Variants in FGF22 observed in about 807,000 individuals in gnomAD.
The protein encoded by FGF22 is fibroblast growth factor 22, also known as FGF-22.
A neutral mutation model predicts 10.3 loss-of-function variants in FGF22; 11 were observed. That is an observed-to-expected ratio of 1.07 (90% confidence interval 0.67 to 1.77). The LOEUF is 1.77. Among genes scored for constraint, FGF22 ranks in the 40% most tolerant of loss-of-function variants. The probability of loss-of-function intolerance (pLI) is 0.00; values close to 1 mark genes in which losing one functional copy is unlikely to be tolerated. For missense variants in FGF22, 317 were observed against 273.2 expected (o/e 1.16, Z -1.13); for synonymous variants, 136 against 122.1 (o/e 1.11, Z -0.75).
At position 640,155 on chromosome 19, in the gene FGF22, CG is replaced by C. The variant is rs1343163393; in HGVS notation, c.214+21del. ...GGCCAGGACAGTGAGTGCGGGGCGG[CG>C]GGGGCCTGGGGTGGGGAGGCGGCGG... On this transcript the variant is annotated intron_variant, in intron 1 of 2. Transcript: ENST00000215530. The C allele has an allele frequency of 1.1e-5, 13 of 1,195,676 alleles. No individual in the cohort carries two copies. Among genetic ancestry groups the C allele is most frequent in the African/African-American group, 1.6e-5 (1 of 61,314 alleles). 74.1% of individuals were successfully genotyped at this position (1,195,676 alleles called of 1,614,324 possible). A position where few individuals can be genotyped will look rare whatever the true frequency, so the allele number is the denominator to read the frequency against.
chr19:643,270 G>A (rs377152236), exon 2 of FGF22: 101 of 1,611,882 alleles, frequency 6.3e-5, no homozygotes, highest in East Asian at 1.6e-4. Flanking sequence ...CGTGGGCGTC[G>A]TGGTCATCAA....
At chr19:642,751 ATTGACAG>A (rs1489271794) in intron 1 of FGF22, among the ~76,000 whole-genome samples, 1 of 151,720 alleles carries the variant, frequency 6.6e-6, no homozygotes, top group East Asian at 1.9e-4. Context: ...TCGCTGGCTC[ATTGACAG>A]TTATCAGTGG....
intron 1 of FGF22, among the ~76,000 whole-genome samples, chr19:642,743 G>A (rs1475027786): frequency 6.6e-6 from 1 of 151,742 alleles, no homozygotes; most frequent in Non-Finnish European, 1.5e-5. Flanking sequence ...GCTGCTGGTC[G>A]CTGGCTCATT....
chr19:643,580 C>T (rs1985988077), exon 3 of FGF22: 1 of 1,557,806 alleles, frequency 6.4e-7, no homozygotes, highest in Non-Finnish European at 8.6e-7. Context: ...TGTCCGCCCA[C>T]TTCCTGCCCG....
At chr19:640,056 G>A in exon 1 of FGF22, 1 of 1,416,074 alleles carries the variant, frequency 7.1e-7, no homozygotes, top group Non-Finnish European at 9.2e-7. Flanking sequence ...CGCTGGCGGC[G>A]CCTCTTCTCC....
At chr19:643,805 G>A (rs760257404) in exon 3 of FGF22, 1 of 577,708 alleles carries the variant, frequency 1.7e-6, no homozygotes, top group Non-Finnish European at 3.0e-6. Flanking sequence ...CTGAGTTGGG[G>A]ACCTCGAGGA....
chr19:642,169 C>T (rs925162175), intron 1 of FGF22, among the ~76,000 whole-genome samples: 8 of 151,734 alleles, frequency 5.3e-5, no homozygotes, highest in South Asian at 2.1e-4. Flanking sequence ...AGTCCCAGTC[C>T]GGAGTCCCAG....
At chr19:642,164 CA>C (rs1240300540) in intron 1 of FGF22, among the ~76,000 whole-genome samples, 2 of 151,762 alleles carry the variant, frequency 1.3e-5, no homozygotes, top group African/African-American at 4.9e-5. Context: ...TCCAGAGTCC[CA>C]GTCCGGAGTC....
At chr19:643,413 C>A (rs761442443) in exon 3 of FGF22, 43 of 1,610,812 alleles carry the variant, frequency 2.7e-5, no homozygotes, top group Non-Finnish European at 3.4e-5. Flanking sequence ...CCCGCAGCGA[C>A]TCTACACCGT....
At chr19:643,763 G>A (rs1704048323) in exon 3 of FGF22, 1 of 653,654 alleles carries the variant, frequency 1.5e-6, no homozygotes, top group Non-Finnish European at 2.6e-6. Flanking sequence ...GTCCCAGCCT[G>A]AGGGGGTGGT....
At position 640,031 on chromosome 19, in the gene FGF22, C is replaced by T. The variant is rs1056855581; in HGVS notation, c.106C>T (p.Leu36=). The T allele has an allele frequency of 2.9e-6, 4 of 1,398,814 alleles. No homozygotes were observed. The African/African-American group carries it at 6.0e-5, about 21-fold the overall frequency. 86.7% of individuals were successfully genotyped at this position (1,398,814 alleles called of 1,614,324 possible). ...GCGGGGACCGCGCAGCTACCCGCAC[C>T]TGGAGGGCGACGTGCGCTGGCGGCG... is the stretch of plus-strand genomic sequence containing the variant. Residue 36 remains leucine, a synonymous_variant, in exon 1 of 3, where the codon CTG becomes TTG. Coordinates refer to ENST00000215530, the Ensembl canonical transcript of FGF22.
chr19:643,762 T>A, exon 3 of FGF22: 1 of 654,652 alleles, frequency 1.5e-6, no homozygotes, highest in Non-Finnish European at 2.6e-6. Context: ...GGTCCCAGCC[T>A]GAGGGGGTGG....
chr19:640,760 G>C (rs1349474950), intron 1 of FGF22: 1 of 209,074 alleles, frequency 4.8e-6, no homozygotes, highest in Non-Finnish European at 1.0e-5. Flanking sequence ...GGCACAGCAG[G>C]GGATGTGGGT....
chr19:641,268 G>GGTGTTCTGT (rs749114443), intron 1 of FGF22: 1 of 455,756 alleles, frequency 2.2e-6, no homozygotes, highest in South Asian at 1.5e-5. Flanking sequence ...CAAGGGCGCA[G>GGTGTTCTGT]GTGGGTGCAC....
At chr19:643,818 C>G in exon 3 of FGF22, 1 of 561,372 alleles carries the variant, frequency 1.8e-6, no homozygotes, top group Non-Finnish European at 3.1e-6. Flanking sequence ...CTCGAGGACC[C>G]AACAGGGCGC....
Position 640,159 on chromosome 19 carries a change from G to T in FGF22, c.214+20G>T. 1 of 1,279,276 alleles carries T rather than the reference G, an allele frequency of 7.8e-7. No individual in the cohort carries two copies. The allele number at this position is 1,279,276 out of a possible 1,614,324, so 79.2% of individuals were successfully genotyped here. A position where few individuals can be genotyped will look rare whatever the true frequency, so the allele number is the denominator to read the frequency against. On this transcript the variant is annotated intron_variant, in intron 1 of 2. Transcript: ENST00000215530. ...AGGACAGTGAGTGCGGGGCGGCGGG[G>T]GCCTGGGGTGGGGAGGCGGCGGGTG... is the stretch of plus-strand genomic sequence containing the variant.
chr19:643,904 C>G (rs1247928254), exon 3 of FGF22: 1 of 35,062 alleles, frequency 2.9e-5, no homozygotes, highest in Non-Finnish European at 5.3e-5. Context: ...GGCAGGGGCT[C>G]GGGGTGGGGA....
At chr19:643,701 G>A (rs1810153653) in exon 3 of FGF22, 5 of 1,066,142 alleles carry the variant, frequency 4.7e-6, no homozygotes, top group East Asian at 2.6e-5. Context: ...TAAGCGCTGA[G>A]TGCCCACCGT....
intron 1 of FGF22, among the ~76,000 whole-genome samples, chr19:641,996 G>A (rs1985917567): frequency 2.6e-5 from 4 of 152,162 alleles, no homozygotes; most frequent in Admixed American, 2.6e-4. Flanking sequence ...GTCCAAATCT[G>A]GCTCTGCCAC....
Sources: gnomAD v4.1 joint callset for allele counts (sites outside exome capture counted in the v4.1 genomes callset) on GRCh38, gnomAD v4.1.1 for gene constraint, MANE v1.5 for transcripts, NCBI Gene and HGNC (gene_info 2026-07-23, HGNC 2026-07-21) for gene names.